The following SLC26A7 variants were observed in gnomAD, a reference collection of about 807,000 sequenced individuals.
SLC26A7 encodes the protein solute carrier family 26 member 7.
SLC26A7 carries 59 observed loss-of-function variants against 82.5 expected under a neutral mutation model. That is an observed-to-expected ratio of 0.72 (90% CI 0.58 to 0.89). The LOEUF (loss-of-function observed/expected upper bound fraction) is 0.89. SLC26A7 is among the 40% of genes least tolerant of loss of function. The probability of loss-of-function intolerance (pLI) is 0.00; values close to 1 mark genes in which losing one functional copy is unlikely to be tolerated. For missense variants in SLC26A7, 820 were observed against 793.0 expected (o/e 1.03, Z -0.41); for synonymous variants, 271 against 274.3 (o/e 0.99, Z 0.12).
At chr8:91,220,254 A>G (rs1481583672) in intron 2 of SLC26A7, among the ~76,000 whole-genome samples, 2 of 152,192 alleles carry the variant, frequency 1.3e-5, no homozygotes, top group African/African-American at 2.4e-5. Context: ...CTCATCAAAA[A>G]TGCGTTACAG....
chr8:91,301,248 C>A (rs1476927745), intron 4 of SLC26A7, among the ~76,000 whole-genome samples: 1 of 152,078 alleles, frequency 6.6e-6, no homozygotes, highest in Non-Finnish European at 1.5e-5. Context: ...TTACTTTCTT[C>A]TTAACGTCCC....
chr8:91,241,164 C>CTA (rs1188279523), intron 2 of SLC26A7, among the ~76,000 whole-genome samples: 1 of 152,044 alleles, frequency 6.6e-6, no homozygotes, highest in Non-Finnish European at 1.5e-5. Context: ...GGTAAGTGAA[C>CTA]TATGGTACAT....
intron 2 of SLC26A7, among the ~76,000 whole-genome samples, chr8:91,219,713 A>C (rs1810127718): frequency 6.6e-6 from 1 of 152,098 alleles, no homozygotes; most frequent in Non-Finnish European, 1.5e-5. Context: ...TCAGTTGAGA[A>C]CGTGTTAGAA....
chr8:91,226,545 T>G (rs1810242096), intron 2 of SLC26A7, among the ~76,000 whole-genome samples: 1 of 152,220 alleles, frequency 6.6e-6, no homozygotes, highest in Admixed American at 6.5e-5. Flanking sequence ...ATTGTTCTTT[T>G]CCCATTTATT....
chr8:91,279,121 GTGTGTATATA>G (rs1263950922), intron 2 of SLC26A7, among the ~76,000 whole-genome samples: 1 of 90,138 alleles, frequency 1.1e-5, no homozygotes, highest in Admixed American at 1.5e-4. Flanking sequence ...ATGTGTGTGT[GTGTGTATATA>G]TATATATATA....
At chr8:91,300,611 A>G (rs1382359499) in intron 4 of SLC26A7, among the ~76,000 whole-genome samples, 9 of 152,108 alleles carry the variant, frequency 5.9e-5, no homozygotes, top group South Asian at 2.1e-4. Context: ...TATAGCCGGG[A>G]TGGTCTCGAT....
In SLC26A7 at chr8:91,251,672, C is replaced by T. The variant is rs76620197; in HGVS notation, c.193+1828C>T. Among the ~76,000 whole-genome samples, 1,120 of 152,096 alleles carry T rather than the reference C, an allele frequency of 7.4e-3. 14 individuals carry two copies. The highest frequency in any genetic ancestry group is 0.026 in the African/African-American group (1,090 of 41,502). ...TAACAGAATCCCAAGACACAGCAGT[C>T]TCCTCTCCATTTTCCACAGGAGAAA... On this transcript the variant is annotated intron_variant, in intron 2 of 18. Coordinates refer to ENST00000276609, the MANE Select transcript of SLC26A7 (RefSeq NM_052832.4).
intron 2 of SLC26A7, among the ~76,000 whole-genome samples, chr8:91,276,006 CT>C (rs1471601642): frequency 2.0e-4 from 31 of 152,244 alleles, no homozygotes; most frequent in African/African-American, 7.0e-4. Flanking sequence ...ACTGGATTAT[CT>C]TTAAGTAGTA....
chr8:91,358,060 A>G (rs1432337724), intron 11 of SLC26A7, among the ~76,000 whole-genome samples: 1 of 152,242 alleles, frequency 6.6e-6, no homozygotes, highest in African/African-American at 2.4e-5. Flanking sequence ...CCACAATGAG[A>G]TATCATCTCC....
chr8:91,232,428 A>T (rs1810321957), intron 2 of SLC26A7, among the ~76,000 whole-genome samples: 1 of 152,218 alleles, frequency 6.6e-6, no homozygotes, highest in African/African-American at 2.4e-5. Context: ...CTTTATTGTT[A>T]AAAACAAAAA....
At chr8:91,239,245 C>A in intron 2 of SLC26A7, among the ~76,000 whole-genome samples, 1 of 151,788 alleles carries the variant, frequency 6.6e-6, no homozygotes, top group Non-Finnish European at 1.5e-5. Context: ...TGGCAGGTGC[C>A]TGTAGTCCCA....
intron 15 of SLC26A7, among the ~76,000 whole-genome samples, chr8:91,370,317 CCT>C (rs1021168377): frequency 2.6e-5 from 4 of 151,082 alleles, no homozygotes; most frequent in African/African-American, 2.4e-5. Flanking sequence ...TCTCCTTTTC[CCT>C]CTCTTTCTTC....
At chr8:91,273,069 G>A (rs1043133514) in intron 2 of SLC26A7, among the ~76,000 whole-genome samples, 4 of 152,148 alleles carry the variant, frequency 2.6e-5, no homozygotes, top group South Asian at 2.1e-4. Context: ...TGACTTCCAG[G>A]TTTCTTAATT....
chr8:91,318,110 C>G, intron 4 of SLC26A7, 106 bp from the exon 5 acceptor site: 1 of 980,866 alleles, frequency 1.0e-6, no homozygotes, highest in Admixed American at 2.5e-5. Flanking sequence ...TGTCAGTTCT[C>G]TATGATTCTA....
intron 2 of SLC26A7, among the ~76,000 whole-genome samples, chr8:91,281,518 C>T (rs139187847): frequency 1.3e-5 from 2 of 152,242 alleles, no homozygotes; most frequent in Admixed American, 1.3e-4. Flanking sequence ...TTTGGTATCC[C>T]GGGGTGTCCT....
chr8:91,353,852 A>G (rs1813789879), intron 11 of SLC26A7, among the ~76,000 whole-genome samples: 1 of 152,084 alleles, frequency 6.6e-6, no homozygotes. Flanking sequence ...AGATGAAAAA[A>G]GAACTATCCA....
intron 6 of SLC26A7, 81 bp from the exon 7 acceptor site, chr8:91,338,069 T>A: frequency 1.2e-6 from 1 of 856,442 alleles, no homozygotes; most frequent in South Asian, 2.3e-5. Flanking sequence ...GAGAACAATG[T>A]TTACTTTTAA....
intron 16 of SLC26A7, among the ~76,000 whole-genome samples, chr8:91,390,227 C>A (rs945275531): frequency 1.3e-5 from 2 of 151,864 alleles, no homozygotes; most frequent in Non-Finnish European, 2.9e-5. Flanking sequence ...CGCCATTCTC[C>A]TGCCTCAGCC....
chr8:91,310,062 C>G (rs1212680771), intron 4 of SLC26A7, among the ~76,000 whole-genome samples: 1 of 151,640 alleles, frequency 6.6e-6, no homozygotes, highest in Non-Finnish European at 1.5e-5. Context: ...GTGCTTCTAT[C>G]TGTTGGGAGA....
Sources: allele counts gnomAD v4.1 joint callset (sites outside exome capture counted in the v4.1 genomes callset), GRCh38; gene constraint gnomAD v4.1.1; transcripts MANE v1.5; gene names NCBI Gene and HGNC (gene_info 2026-07-23, HGNC 2026-07-21).